Variants in PKIB observed in about 807,000 individuals in gnomAD.
PKIB encodes PKI-beta.
PKIB carries 2 observed loss-of-function variants against 4.5 expected under a neutral mutation model. The observed-to-expected ratio is 0.44, with a 90% CI of 0.18 to 1.39. The LOEUF is 1.39. Among genes scored for constraint, PKIB ranks in the 40% most tolerant of loss-of-function variants. The pLI, the probability that PKIB is intolerant of heterozygous loss-of-function variation, is 0.27. For missense variants in PKIB, 94 were observed against 92.6 expected (o/e 1.02, Z -0.06); for synonymous variants, 38 against 36.0 (o/e 1.06, Z -0.20).
At chr6:122,550,339 A>G (rs539547727) in intron 2 of PKIB, among the ~76,000 whole-genome samples, 2 of 152,296 alleles carry the variant, frequency 1.3e-5, no homozygotes, top group Admixed American at 1.3e-4. Context: ...CCTATTTCCT[A>G]CAATAGAGTT....
At chr6:122,611,678 C>A (rs570877713) in intron 1 of PKIB, among the ~76,000 whole-genome samples, 90 of 152,286 alleles carry the variant, frequency 5.9e-4, no homozygotes, top group African/African-American at 2.1e-3. Context: ...TTCTTACTGA[C>A]ATTGCCACAC....
At chr6:122,514,790 C>T (rs996455994) in intron 2 of PKIB, among the ~76,000 whole-genome samples, 4 of 152,266 alleles carry the variant, frequency 2.6e-5, no homozygotes, top group African/African-American at 9.6e-5. Flanking sequence ...AAGGGAGCCC[C>T]TACAACCCCT....
At chr6:122,515,398 A>C (rs755354331) in intron 2 of PKIB, among the ~76,000 whole-genome samples, 1 of 152,202 alleles carries the variant, frequency 6.6e-6, no homozygotes, top group Non-Finnish European at 1.5e-5. Context: ...TTTATAAAAC[A>C]GAAGCTCATT....
chr6:122,674,587 CT>C (rs1367535504), intron 2 of PKIB, among the ~76,000 whole-genome samples: 1 of 151,998 alleles, frequency 6.6e-6, no homozygotes, highest in Non-Finnish European at 1.5e-5. Context: ...TGACATGATC[CT>C]TATGTGGGTA....
chr6:122,598,862 G>A (rs531699477), intron 3 of PKIB, among the ~76,000 whole-genome samples: 28 of 152,116 alleles, frequency 1.8e-4, no homozygotes, highest in African/African-American at 5.5e-4. Flanking sequence ...CCTACTTAGT[G>A]GGCCCAAATC....
At chr6:122,709,811 A>G (rs1272793127) in intron 3 of PKIB, among the ~76,000 whole-genome samples, 1 of 152,190 alleles carries the variant, frequency 6.6e-6, no homozygotes, top group Admixed American at 6.5e-5. Flanking sequence ...GTCCATGTGT[A>G]TAACCATCAG....
chr6:122,524,622 A>G (rs910407201), intron 2 of PKIB, among the ~76,000 whole-genome samples: 1 of 152,024 alleles, frequency 6.6e-6, no homozygotes, highest in African/African-American at 2.4e-5. Flanking sequence ...TCTCTTTATT[A>G]GGAGGTTTTT....
intron 2 of PKIB, among the ~76,000 whole-genome samples, chr6:122,509,356 G>T (rs2114576835): frequency 6.6e-6 from 1 of 151,880 alleles, no homozygotes; most frequent in East Asian, 1.9e-4. Context: ...TGATTTTTAT[G>T]TATTGGAACT....
chr6:122,516,094 C>T (rs896410808), intron 2 of PKIB, among the ~76,000 whole-genome samples: 1 of 152,158 alleles, frequency 6.6e-6, no homozygotes, highest in Non-Finnish European at 1.5e-5. Flanking sequence ...ATGGGTTTCT[C>T]ACAGAATCTA....
chr6:122,521,627 C>T (rs1028410675), intron 2 of PKIB, among the ~76,000 whole-genome samples: 1 of 152,062 alleles, frequency 6.6e-6, no homozygotes, highest in African/African-American at 2.4e-5. Context: ...TTGCAGTGAG[C>T]TGAGATCAGG....
intron 2 of PKIB, among the ~76,000 whole-genome samples, chr6:122,485,216 T>C (rs1184805409): frequency 6.6e-6 from 1 of 152,100 alleles, no homozygotes; most frequent in East Asian, 1.9e-4. Context: ...TATTCTTTTT[T>C]TTTTTTTCCT....
At chr6:122,665,125 C>T (rs905923431) in intron 2 of PKIB, among the ~76,000 whole-genome samples, 10 of 151,868 alleles carry the variant, frequency 6.6e-5, no homozygotes, top group Non-Finnish European at 1.0e-4. Flanking sequence ...GACTCATATA[C>T]CTGGGTTAAA....
chr6:122,680,656 A>C (rs1777862852), intron 3 of PKIB, among the ~76,000 whole-genome samples: 1 of 151,980 alleles, frequency 6.6e-6, no homozygotes, highest in Non-Finnish European at 1.5e-5. Flanking sequence ...TCAAAGAAAA[A>C]CTTTTGCTTC....
chr6:122,610,995 G>C (rs1412646135), intron 1 of PKIB, among the ~76,000 whole-genome samples: 1 of 152,250 alleles, frequency 6.6e-6, no homozygotes, highest in African/African-American at 2.4e-5. Context: ...GCCAGCGTCC[G>C]GCTGTGTGGC....
intron 1 of PKIB, among the ~76,000 whole-genome samples, chr6:122,622,430 C>T (rs1412201077): frequency 6.6e-6 from 1 of 152,042 alleles, no homozygotes; most frequent in Non-Finnish European, 1.5e-5. Context: ...CAAGGGTATC[C>T]TTTAGGTAGG....
intron 2 of PKIB, among the ~76,000 whole-genome samples, chr6:122,528,585 C>T (rs1777163676): frequency 6.6e-6 from 1 of 152,126 alleles, no homozygotes; most frequent in Admixed American, 6.6e-5. Flanking sequence ...ATATTTTCCT[C>T]TTCTTATAAG....
chr6:122,489,222 TTTATTATTATTA>T (rs61079139), intron 2 of PKIB, among the ~76,000 whole-genome samples: 3 of 148,992 alleles, frequency 2.0e-5, no homozygotes, highest in Admixed American at 6.7e-5. Context: ...TAGTATTTCA[TTTATTATTATTA>T]TTATTATTAT....
At chr6:122,511,671 C>T (rs536930443) in intron 2 of PKIB, among the ~76,000 whole-genome samples, 61 of 152,262 alleles carry the variant, frequency 4.0e-4, no homozygotes, top group African/African-American at 1.2e-3. Context: ...CTGCAAAAGG[C>T]GCCGAGCTCT....
At position 122,630,918 on chromosome 6, in the gene PKIB, A is replaced by G. The variant is rs534674411; in HGVS notation, c.-160-2365A>G. ...AAGCCCATATAAAAGTTACCTGGAA[A>G]CCAGCAGATGGGATGCTCATGAGAA... is the stretch of plus-strand genomic sequence containing the variant. On this transcript the variant is annotated intron_variant, in intron 1 of 4. Transcript: ENST00000368452. 2.0e-5 allele frequency among the ~76,000 whole-genome samples: 3 copies of G among 152,302 alleles called. No individual in the cohort carries two copies. The East Asian group carries it at 5.8e-4, about 29-fold the overall frequency.
Sources: gnomAD v4.1 joint callset for allele counts (sites outside exome capture counted in the v4.1 genomes callset) on GRCh38, gnomAD v4.1.1 for gene constraint, MANE v1.5 for transcripts, NCBI Gene and HGNC (gene_info 2026-07-23, HGNC 2026-07-21) for gene names.